VPS53: variants seen among roughly 807,000 people sequenced by gnomAD.
The protein encoded by VPS53 is vacuolar protein sorting-associated protein 53 homolog.
A neutral mutation model predicts 107.0 loss-of-function variants in VPS53; 70 were observed. The observed-to-expected ratio is 0.65, with a 90% CI of 0.54 to 0.80. The LOEUF is 0.80. VPS53 is among the 30% of genes least tolerant of loss of function. The pLI is 0.00. For missense variants in VPS53, 917 were observed against 1,049.4 expected (o/e 0.87, Z 1.74); for synonymous variants, 409 against 393.3 (o/e 1.04, Z -0.47).
intron 7 of VPS53, among the ~76,000 whole-genome samples, chr17:642,396 C>T (rs331009): frequency 0.99 from 145,828 of 147,490 alleles, 72,136 homozygotes; most frequent in South Asian, 1. Context: ...CACTCATACT[C>T]GGAAACCGAG....
chr17:601,169 G>A (rs948930767), intron 12 of VPS53: 1 of 152,220 alleles, frequency 6.6e-6, no homozygotes, highest in African/African-American at 2.4e-5. Flanking sequence ...GAAACGTTCT[G>A]ATTTATTGCT....
In VPS53 at chr17:520,253, ACT is replaced by A. The variant is rs1166674713; in HGVS notation, c.2224-325_2224-324del. The stretch of plus-strand genomic sequence containing the variant: ...GGGTTTCCGGGGCCCTCCTCTAAAG[ACT>A]CTAATTCAGTAGGCCTGGCTGGAGT... On this transcript the variant is annotated intron_variant, in intron 20 of 21. Coordinates refer to ENST00000437048, the MANE Select transcript of VPS53 (RefSeq NM_001128159.3). This position sits in a 1 kb window ranked among gnomAD's most constrained non-coding sequence, Gnocchi z 4.4. 4.0e-5 allele frequency among the ~76,000 whole-genome samples: 6 copies of A among 151,778 alleles called. No individual in the cohort carries two copies. Among genetic ancestry groups the A allele is most frequent in the Admixed American group, 1.3e-4 (2 of 15,246 alleles).
At chr17:533,506 TG>T (rs1271198636) in intron 18 of VPS53, among the ~76,000 whole-genome samples, 1 of 152,188 alleles carries the variant, frequency 6.6e-6, no homozygotes, top group Admixed American at 6.5e-5. Context: ...CCCAGGATTC[TG>T]GGGGCTATTT....
In VPS53 at chr17:638,763, T is replaced by C. The variant is rs988947725; in HGVS notation, c.609-7135A>G. On this transcript the variant is annotated intron_variant, in intron 7 of 21. Transcript: ENST00000437048. ...TTGGCCCCCACTCTCTTCTGGCTTA[T>C]AGAGTTTCTGCCGAAAGATCCGCTG... Among the ~76,000 whole-genome samples, 7 of 152,396 alleles carry C rather than the reference T, an allele frequency of 4.6e-5. No individual in the cohort carries two copies. The South Asian group carries it at 1.0e-3, about 23-fold the overall frequency.
At chr17:576,750 TA>T (rs1914649356) in intron 13 of VPS53, among the ~76,000 whole-genome samples, 1 of 140,446 alleles carries the variant, frequency 7.1e-6, no homozygotes, top group Non-Finnish European at 1.5e-5. Flanking sequence ...CAGAACCCAA[TA>T]CGTGCCCAGA....
chr17:714,756 G>C lies in VPS53; in HGVS notation c.-47C>G, dbSNP rs769483627. 5 of 1,602,204 alleles carry C rather than the reference G, an allele frequency of 3.1e-6. No homozygotes were observed. The East Asian group carries it at 8.9e-5, about 29-fold the overall frequency. ...GACCCCCGCCGCGAGCCCAACTCAG[G>C]CCTCCAGCCGCCACCCAGGCCCCAG... On this transcript the variant is annotated 5_prime_UTR_variant, in exon 1 of 22. Coordinates refer to ENST00000437048, the MANE Select transcript of VPS53 (RefSeq NM_001128159.3).
chr17:666,345 G>A (rs1262831754), intron 4 of VPS53, among the ~76,000 whole-genome samples: 3 of 152,196 alleles, frequency 2.0e-5, no homozygotes, highest in East Asian at 3.9e-4. Context: ...GAAGGAAAGA[G>A]TGATTGTGCC....
intron 17 of VPS53, among the ~76,000 whole-genome samples, chr17:544,035 G>A (rs56178562): frequency 0.042 from 4,220 of 100,912 alleles, 135 homozygotes; most frequent in African/African-American, 0.15. Flanking sequence ...GGGAGGGAGG[G>A]AGGGAGGAAG....
chr17:596,471 T>A (rs985200008), intron 12 of VPS53, among the ~76,000 whole-genome samples: 1 of 152,118 alleles, frequency 6.6e-6, no homozygotes, highest in African/African-American at 2.4e-5. Flanking sequence ...GGGTTCCACC[T>A]CTATCTGCAG....
rs1970889542 is a variant in VPS53 at position 650,312 on chromosome 17, T to C, written c.608+2979A>G. Among the ~76,000 whole-genome samples, 3 of 151,846 alleles carry C rather than the reference T, an allele frequency of 2.0e-5. 1 individual carries two copies. The South Asian group carries it at 6.3e-4, about 32-fold the overall frequency. On this transcript the variant is annotated intron_variant, in intron 7 of 21. Coordinates refer to ENST00000437048, the MANE Select transcript of VPS53 (RefSeq NM_001128159.3). The stretch of plus-strand genomic sequence containing the variant: ...GAGTTGAAGACCAACCTGGGCAACA[T>C]AAGAAGATCCCACCTCTACAGAAAA...
chr17:671,414 T>TA (rs1448861509), intron 4 of VPS53, among the ~76,000 whole-genome samples: 3 of 151,990 alleles, frequency 2.0e-5, no homozygotes, highest in Admixed American at 1.3e-4. Flanking sequence ...CTGTATGAGT[T>TA]ACAAGCAAGG....
rs796922674 is a variant in VPS53, at chr17:713,382, G to A, written c.87+1241C>T. ...AAATCACTATTTCTGACCGGGTGCAGTGGCTCACACCTGTAATCCCAGCAC... is the reference window on the plus strand; with the variant it reads ...AAATCACTATTTCTGACCGGGTGCAATGGCTCACACCTGTAATCCCAGCAC... On this transcript the variant is annotated intron_variant, in intron 1 of 21. Coordinates refer to ENST00000437048, the MANE Select transcript of VPS53 (RefSeq NM_001128159.3). 2.0e-5 allele frequency among the ~76,000 whole-genome samples: 3 copies of A among 152,344 alleles called. No homozygotes were observed. The South Asian group carries it at 6.2e-4, about 32-fold the overall frequency.
chr17:608,341 G>C (rs1038048962), intron 11 of VPS53, among the ~76,000 whole-genome samples: 3 of 152,116 alleles, frequency 2.0e-5, no homozygotes, highest in Non-Finnish European at 4.4e-5. Context: ...ATATAAGTGG[G>C]TAAATGCTGA....
intron 4 of VPS53, 87 bp downstream of exon 4, chr17:697,331 T>TG: frequency 8.8e-7 from 1 of 1,136,952 alleles, no homozygotes; most frequent in East Asian, 2.3e-5. Context: ...GAAAGTGCTC[T>TG]GCAAGAGGGC....
intron 13 of VPS53, among the ~76,000 whole-genome samples, chr17:568,155 G>A (rs1462450069): frequency 6.6e-6 from 1 of 152,198 alleles, no homozygotes; most frequent in Non-Finnish European, 1.5e-5. Context: ...CAAGCAGTGA[G>A]GCACAGGGAG....
chr17:564,542 A>AAC (rs1491208240), intron 13 of VPS53, among the ~76,000 whole-genome samples: 4 of 26,010 alleles, frequency 1.5e-4, no homozygotes, highest in Non-Finnish European at 2.7e-4. Context: ...TCTGTCTCAG[A>AAC]AAAAAAAAAA....
Position 514,341 on chromosome 17 carries a change from G to A in VPS53, c.*4787C>T, listed in dbSNP as rs568429141. 6.8e-6 allele frequency: 1 copy of A among 147,984 alleles called. No homozygotes were observed. Among genetic ancestry groups the A allele is most frequent in the Non-Finnish European group, 1.5e-5 (1 of 66,924 alleles). The allele number at this position is 147,984 out of a possible 1,614,324, so 9.2% of individuals were successfully genotyped here. A position where few individuals can be genotyped will look rare whatever the true frequency, so the allele number is the denominator to read the frequency against. ...AACCCCATTTCCAGCAGGTTATTCC[G>A]AGTGCTCTTCCTAGGTAAGGAATCC... On this transcript the variant is annotated 3_prime_UTR_variant, in exon 22 of 22. Transcript: ENST00000437048.
At chr17:678,117 T>C (rs1434676604) in intron 4 of VPS53, among the ~76,000 whole-genome samples, 1 of 151,842 alleles carries the variant, frequency 6.6e-6, no homozygotes, top group Non-Finnish European at 1.5e-5. Flanking sequence ...CCAGACCCTG[T>C]CTCAAGAGAG....
At chr17:713,454 A>C (rs1435402328) in intron 1 of VPS53, among the ~76,000 whole-genome samples, 2 of 151,418 alleles carry the variant, frequency 1.3e-5, no homozygotes, top group Non-Finnish European at 2.9e-5. Flanking sequence ...GGAGTTCAAG[A>C]CCAGCCTGGC....
Sources: allele counts gnomAD v4.1 joint callset (sites outside exome capture counted in the v4.1 genomes callset), GRCh38; gene constraint gnomAD v4.1.1; non-coding constraint Gnocchi (gnomAD v3.1); transcripts MANE v1.5; gene names NCBI Gene and HGNC (gene_info 2026-07-23, HGNC 2026-07-21).